Variants in SYNPO2 observed in about 807,000 individuals in gnomAD.
SYNPO2 encodes synaptopodin-2.
SYNPO2 carries 56 observed loss-of-function variants against 85.0 expected under a neutral mutation model. The ratio of observed to expected loss-of-function variants is 0.66; its 90% CI spans 0.53 to 0.82. The LOEUF (loss-of-function observed/expected upper bound fraction) is 0.82, where lower values mean the gene tolerates loss of function less well. Among genes scored for constraint, SYNPO2 ranks in the 40% least tolerant of loss-of-function variants. The pLI is 0.00. For missense variants in SYNPO2, 1,575 were observed against 1,534.2 expected, an observed-to-expected ratio of 1.03 and a Z score of -0.44; for synonymous variants, 602 against 591.1, an observed-to-expected ratio of 1.02 and a Z score of -0.27.
intron 1 of SYNPO2, among the ~76,000 whole-genome samples, chr4:118,946,036 G>C (rs1042579736): frequency 6.6e-6 from 1 of 152,078 alleles, no homozygotes; most frequent in South Asian, 2.1e-4. Flanking sequence ...GAGCCACCAC[G>C]CCTGGCCAAT....
At chr4:118,931,433 CT>C (rs1733930635) in intron 1 of SYNPO2, among the ~76,000 whole-genome samples, 1 of 152,100 alleles carries the variant, frequency 6.6e-6, no homozygotes, top group African/African-American at 2.4e-5. Context: ...TTAATATTTA[CT>C]GAAAATTACA....
intron 1 of SYNPO2, among the ~76,000 whole-genome samples, chr4:118,933,650 G>A (rs899483914): frequency 3.9e-5 from 6 of 152,122 alleles, no homozygotes; most frequent in African/African-American, 1.4e-4. Context: ...CCAAGGTTAA[G>A]GAGGATTGAA....
At position 118,858,357 on chromosome 4, in the gene SYNPO2, G is replaced by C. The variant is rs28706123; in HGVS notation, c.12+7417G>C. ...GACTAAGAGAATTATAAAATTAAAG[G>C]GAACTTTCAACACTTTAATGCATGT... On this transcript the variant is annotated intron_variant, in intron 1 of 4. Transcript: ENST00000610556. 5.3e-5 allele frequency among the ~76,000 whole-genome samples: 8 copies of C among 152,118 alleles called. No individual in the cohort carries two copies. The South Asian group carries it at 1.2e-3, about 24-fold the overall frequency.
intron 1 of SYNPO2, among the ~76,000 whole-genome samples, chr4:118,877,303 C>A (rs1265580273): frequency 6.6e-6 from 1 of 152,066 alleles, no homozygotes; most frequent in African/African-American, 2.4e-5. Context: ...TAGGACCAGG[C>A]AAATTTCATG....
intron 1 of SYNPO2, among the ~76,000 whole-genome samples, chr4:118,871,794 C>A (rs946856468): frequency 6.6e-6 from 1 of 152,148 alleles, no homozygotes; most frequent in African/African-American, 2.4e-5. Context: ...TGATCTCGAT[C>A]TCCTGACCTC....
intron 1 of SYNPO2, among the ~76,000 whole-genome samples, chr4:118,881,507 G>A (rs1489857955): frequency 1.3e-5 from 2 of 152,132 alleles, no homozygotes; most frequent in Non-Finnish European, 2.9e-5. Context: ...CCCAATCCGT[G>A]GCGTTTGTTA....
intron 1 of SYNPO2, among the ~76,000 whole-genome samples, chr4:118,922,667 G>A (rs1017000144): frequency 2.6e-5 from 4 of 151,048 alleles, no homozygotes; most frequent in Admixed American, 6.6e-5. Context: ...ACCAAAGAGG[G>A]TTAAGGTAAC....
At chr4:119,028,360 C>T (rs1385225205) in intron 3 of SYNPO2, among the ~76,000 whole-genome samples, 1 of 151,808 alleles carries the variant, frequency 6.6e-6, no homozygotes. Flanking sequence ...GTCTTCTAAC[C>T]TATTGTTATT....
intron 4 of SYNPO2, chr4:119,036,191 A>G: frequency 5.1e-6 from 5 of 985,462 alleles, no homozygotes; most frequent in Non-Finnish European, 6.0e-6. Flanking sequence ...GTCATCAAAA[A>G]GAAATGATTG....
chr4:119,033,035 C>T lies in SYNPO2; in HGVS notation c.3252+1008C>T, dbSNP rs932511281. ...CAGCTGAGGCAAGTGGTAGAGTATACAGGATAACGAAGTAACATGTAAAAG... is the reference window on the plus strand; with the variant it reads ...CAGCTGAGGCAAGTGGTAGAGTATATAGGATAACGAAGTAACATGTAAAAG... On this transcript the variant is annotated intron_variant, in intron 4 of 4. Coordinates refer to ENST00000307142, the MANE Select transcript of SYNPO2 (RefSeq NM_133477.3). 23 of 974,120 alleles carry T rather than the reference C, an allele frequency of 2.4e-5. No homozygotes were observed. The African/African-American group carries it at 4.1e-4, about 17-fold the overall frequency. The allele number at this position is 974,120 out of a possible 1,614,324, so 60.3% of individuals were successfully genotyped here. A position where few individuals can be genotyped will look rare whatever the true frequency, so the allele number is the denominator to read the frequency against.
At chr4:119,052,954 G>A (rs1739098580) in intron 4 of SYNPO2, among the ~76,000 whole-genome samples, 1 of 152,194 alleles carries the variant, frequency 6.6e-6, no homozygotes, top group African/African-American at 2.4e-5. Context: ...CTTGGTTACA[G>A]TTAAGTGCTC....
In SYNPO2 at chr4:118,997,773, A is replaced by G. The variant is rs185247652; in HGVS notation, c.106-25657A>G. On this transcript the variant is annotated intron_variant, in intron 1 of 4. Transcript: ENST00000307142. Reference sequence around the variant, plus strand: ...TGTCTATGACTCTTTTCTAATTTCTATTTCTAGACAACCCATTCAGAAAGA... The same window carrying G: ...TGTCTATGACTCTTTTCTAATTTCTGTTTCTAGACAACCCATTCAGAAAGA... Among the ~76,000 whole-genome samples the G allele has an allele frequency of 3.2e-3, 482 of 152,218 alleles. 1 individual carries two copies. Among genetic ancestry groups the G allele is most frequent in the Middle Eastern group, 6.8e-3 (2 of 294 alleles).
chr4:118,891,345 AAG>A (rs148010789), intron 1 of SYNPO2, among the ~76,000 whole-genome samples: 5 of 151,210 alleles, frequency 3.3e-5, no homozygotes, highest in African/African-American at 4.8e-5. Context: ...TTGTGTGTGC[AAG>A]AGAGAGAGAG....
intron 1 of SYNPO2, among the ~76,000 whole-genome samples, chr4:118,903,085 T>C (rs1469006654): frequency 6.6e-6 from 1 of 152,180 alleles, no homozygotes; most frequent in Non-Finnish European, 1.5e-5. Context: ...AGGTACTATG[T>C]AACGAAATTG....
At chr4:118,996,028 A>G (rs893790656) in intron 1 of SYNPO2, among the ~76,000 whole-genome samples, 1 of 152,122 alleles carries the variant, frequency 6.6e-6, no homozygotes, top group Non-Finnish European at 1.5e-5. Context: ...AGCTTTTGCT[A>G]GCTCCTATCA....
At chr4:118,869,804 G>C (rs1160064829) in intron 1 of SYNPO2, among the ~76,000 whole-genome samples, 1 of 152,200 alleles carries the variant, frequency 6.6e-6, no homozygotes, top group African/African-American at 2.4e-5. Context: ...TGGGGATTAA[G>C]AGAGCTGAAA....
At chr4:118,997,998 G>A (rs1053064493) in intron 1 of SYNPO2, among the ~76,000 whole-genome samples, 2 of 152,160 alleles carry the variant, frequency 1.3e-5, no homozygotes, top group African/African-American at 4.8e-5. Context: ...TAGCTTTGGG[G>A]GAATTGAGGA....
intron 1 of SYNPO2, among the ~76,000 whole-genome samples, chr4:118,883,028 T>G (rs1732135621): frequency 6.6e-6 from 1 of 151,434 alleles, no homozygotes; most frequent in African/African-American, 2.4e-5. Flanking sequence ...CCCAAAGTGC[T>G]GGGATCACAG....
chr4:119,016,520 T>C (rs962666133), intron 1 of SYNPO2, among the ~76,000 whole-genome samples: 2 of 152,232 alleles, frequency 1.3e-5, no homozygotes, highest in Non-Finnish European at 2.9e-5. Flanking sequence ...ACATAGATGC[T>C]TTTAAATTTT....
Sources: allele counts gnomAD v4.1 joint callset (sites outside exome capture counted in the v4.1 genomes callset), GRCh38; gene constraint gnomAD v4.1.1; transcripts MANE v1.5; gene names NCBI Gene and HGNC (gene_info 2026-07-23, HGNC 2026-07-21).